ADAMTS17: variants seen among roughly 807,000 people sequenced by gnomAD.
ADAMTS17 encodes the protein ADAM metallopeptidase with thrombospondin type 1 motif 17, also known as A disintegrin and metalloproteinase with thrombospondin motifs 17.
In ADAMTS17, 113 loss-of-function variants were observed where a neutral mutation model predicts 141.5. The ratio of observed to expected loss-of-function variants is 0.80; its 90% CI spans 0.69 to 0.93. The LOEUF (loss-of-function observed/expected upper bound fraction) is 0.93, where lower values mean the gene tolerates loss of function less well. Ranked by LOEUF, ADAMTS17 falls within the 40% of genes least tolerant of loss-of-function variation. The pLI is 0.00. For synonymous variants in ADAMTS17, 768 were observed against 630.6 expected (o/e 1.22, Z -3.27); for missense variants, 1,659 against 1,517.9 (o/e 1.09, Z -1.54).
In ADAMTS17 at chr15:100,286,147, CA is replaced by C. The variant is rs1263043833; in HGVS notation, c.617-4747del. ...GCAGCCTCTCCCACCACTTTGTCAGCAAACACTCACCCACAGATCTCTCCCA... is the reference window on the plus strand; with the variant it reads ...GCAGCCTCTCCCACCACTTTGTCAGCAACACTCACCCACAGATCTCTCCCA... On this transcript the variant is annotated intron_variant, in intron 3 of 21. Transcript: ENST00000268070. Among the ~76,000 whole-genome samples the C allele has an allele frequency of 3.3e-5, 5 of 152,174 alleles. No individual in the cohort carries two copies. The East Asian group carries it at 7.7e-4, about 23-fold the overall frequency.
chr15:100,048,765 A>G, intron 18 of ADAMTS17, 92 bp downstream of exon 18: 1 of 1,548,756 alleles, frequency 6.5e-7, no homozygotes, highest in Non-Finnish European at 8.9e-7. Flanking sequence ...ATAGAGCAGT[A>G]CTGTGGCATT....
chr15:100,339,580 CAGG>C (rs1202792012), intron 2 of ADAMTS17, among the ~76,000 whole-genome samples: 3 of 108,528 alleles, frequency 2.8e-5, no homozygotes, highest in Non-Finnish European at 3.9e-5. Flanking sequence ...TTCCCCGCCC[CAGG>C]TCCACATTCC....
In ADAMTS17 at chr15:100,096,259, C is replaced by A; in HGVS notation, c.2137+97G>T. 2.5e-6 allele frequency: 4 copies of A among 1,588,150 alleles called. No homozygotes were observed. In the South Asian group the frequency reaches 3.3e-5, roughly 13 times the overall value. On this transcript the variant is annotated intron_variant, in intron 15 of 21. Transcript: ENST00000268070. ...AGGTCACCTATCCACTACCATCTAG[C>A]CCTTAAATATGAAATGTAGGGAAGA...
intron 3 of ADAMTS17, among the ~76,000 whole-genome samples, chr15:100,288,669 C>T (rs1360822746): frequency 6.6e-6 from 1 of 152,170 alleles, no homozygotes; most frequent in East Asian, 1.9e-4. Flanking sequence ...ATCAGTCACA[C>T]TGTCAGAACA....
chr15:100,019,784 C>T (rs1474636582), intron 18 of ADAMTS17, among the ~76,000 whole-genome samples: 1 of 152,236 alleles, frequency 6.6e-6, no homozygotes, highest in East Asian at 1.9e-4. Flanking sequence ...GGACTTTACA[C>T]TTTCCTATCC....
intron 17 of ADAMTS17, among the ~76,000 whole-genome samples, chr15:100,049,484 C>A (rs1370486327): frequency 6.6e-6 from 1 of 152,202 alleles, no homozygotes; most frequent in Non-Finnish European, 1.5e-5. Flanking sequence ...ATCCTCTAGA[C>A]AGGCATTCCA....
chr15:100,051,783 G>A, intron 16 of ADAMTS17, 52 bp from the exon 17 acceptor site: 3 of 1,611,174 alleles, frequency 1.9e-6, no homozygotes, highest in Middle Eastern at 1.7e-4. Flanking sequence ...GAAGGCCCGT[G>A]GGAATGCCGA....
intron 18 of ADAMTS17, among the ~76,000 whole-genome samples, chr15:100,001,147 T>G (rs1303769000): frequency 2.6e-5 from 4 of 152,148 alleles, no homozygotes; most frequent in Non-Finnish European, 5.9e-5. Context: ...CTTCTGGGCC[T>G]TCAGAGGACC....
chr15:100,240,441 G>T (rs2042795630), intron 7 of ADAMTS17, among the ~76,000 whole-genome samples: 1 of 152,204 alleles, frequency 6.6e-6, no homozygotes, highest in African/African-American at 2.4e-5. Context: ...GAAGAAGCAG[G>T]TACAAGAAAG....
In ADAMTS17 at chr15:99,974,368, A is replaced by T; in HGVS notation, c.*34T>A. 1.2e-6 allele frequency: 2 copies of T among 1,613,610 alleles called. No individual in the cohort carries two copies. Among genetic ancestry groups the T allele is most frequent in the Non-Finnish European group, 1.7e-6 (2 of 1,179,986 alleles). ...TGCGGGTGGGTGGGTTTCAGACCTG[A>T]GTCTGAGCTTTGAGCGACCCTTGGG... is the stretch of plus-strand genomic sequence containing the variant. On this transcript the variant is annotated 3_prime_UTR_variant, in exon 22 of 22. Transcript: ENST00000268070.
chr15:100,226,985 C>T (rs1269217899), intron 7 of ADAMTS17, among the ~76,000 whole-genome samples: 1 of 152,162 alleles, frequency 6.6e-6, no homozygotes, highest in African/African-American at 2.4e-5. Context: ...TCCATCATTT[C>T]AAAAGAGACT....
intron 20 of ADAMTS17, among the ~76,000 whole-genome samples, chr15:99,992,324 A>G (rs2060705792): frequency 6.6e-6 from 1 of 152,176 alleles, no homozygotes; most frequent in Admixed American, 6.5e-5. Flanking sequence ...AGTTGCTAAG[A>G]CCATACAGAA....
chr15:100,053,321 G>A (rs1452582089), intron 16 of ADAMTS17, among the ~76,000 whole-genome samples: 2 of 152,116 alleles, frequency 1.3e-5, no homozygotes, highest in African/African-American at 2.4e-5. Flanking sequence ...CAGGTAAGAC[G>A]GCGCCCTGGC....
At chr15:100,145,350 C>G (rs1192221409) in intron 10 of ADAMTS17, among the ~76,000 whole-genome samples, 1 of 152,164 alleles carries the variant, frequency 6.6e-6, no homozygotes, top group African/African-American at 2.4e-5. Flanking sequence ...CTTTTAATTG[C>G]TTCACCCCTA....
At chr15:100,110,561 G>A (rs898132482) in intron 13 of ADAMTS17, among the ~76,000 whole-genome samples, 9 of 151,962 alleles carry the variant, frequency 5.9e-5, no homozygotes, top group African/African-American at 9.7e-5. Flanking sequence ...ACCGCGCCCC[G>A]CAAGACTCAG....
intron 3 of ADAMTS17, among the ~76,000 whole-genome samples, chr15:100,300,455 T>C (rs1021423659): frequency 6.6e-6 from 1 of 152,172 alleles, no homozygotes; most frequent in Non-Finnish European, 1.5e-5. Flanking sequence ...CACAGTGATA[T>C]GGAGCTCACT....
intron 12 of ADAMTS17, chr15:100,128,929 T>A (rs185552644): frequency 6.6e-6 from 1 of 152,360 alleles, no homozygotes; most frequent in Non-Finnish European, 1.5e-5. Flanking sequence ...GTCTTTGGGC[T>A]ACCAATGCCA....
intron 18 of ADAMTS17, among the ~76,000 whole-genome samples, chr15:100,042,981 T>C (rs183044539): frequency 6.6e-6 from 1 of 152,340 alleles, no homozygotes; most frequent in East Asian, 1.9e-4. Flanking sequence ...CATGTGTGTA[T>C]GTATATATGT....
intron 3 of ADAMTS17, among the ~76,000 whole-genome samples, chr15:100,308,922 C>T (rs1175454121): frequency 6.6e-6 from 1 of 152,212 alleles, no homozygotes; most frequent in Non-Finnish European, 1.5e-5. Flanking sequence ...CTGTTTCTTC[C>T]CAAACTTCTG....
Sources: allele counts gnomAD v4.1 joint callset (sites outside exome capture counted in the v4.1 genomes callset), GRCh38; gene constraint gnomAD v4.1.1; transcripts MANE v1.5; gene names NCBI Gene and HGNC (gene_info 2026-07-23, HGNC 2026-07-21).